C8orf34: variants seen among roughly 807,000 people sequenced by gnomAD.
C8orf34 encodes uncharacterized protein C8orf34.
C8orf34 carries 65 observed loss-of-function variants against 68.3 expected under a neutral mutation model. The ratio of observed to expected loss-of-function variants is 0.95; its 90% CI spans 0.78 to 1.17. The LOEUF is 1.17. Among genes scored for constraint, C8orf34 ranks in the 50% most tolerant of loss-of-function variants. The pLI is 0.00. For missense variants in C8orf34, 664 were observed against 655.4 expected (o/e 1.01, Z -0.14); for synonymous variants, 244 against 241.2 (o/e 1.01, Z -0.11).
At chr8:68,721,488 T>C (rs777834194) in intron 10 of C8orf34, 51 bp downstream of exon 10, 1 of 1,152,454 alleles carries the variant, frequency 8.7e-7, no homozygotes, top group Non-Finnish European at 1.3e-6. Flanking sequence ...CTAATTTAAA[T>C]TACTAGTAGG....
At chr8:68,503,608 T>C (rs1813872827) in intron 5 of C8orf34, among the ~76,000 whole-genome samples, 1 of 152,048 alleles carries the variant, frequency 6.6e-6, no homozygotes, top group Non-Finnish European at 1.5e-5. Flanking sequence ...TTGGGAAACA[T>C]ATGAGGTGCT....
At chr8:68,428,811 T>G (rs1433083378) in intron 1 of C8orf34, among the ~76,000 whole-genome samples, 1 of 152,112 alleles carries the variant, frequency 6.6e-6, no homozygotes, top group African/African-American at 2.4e-5. Context: ...ATATGGCCAC[T>G]TGATTCATGA....
At chr8:68,718,376 T>G (rs1346859866) in intron 9 of C8orf34, among the ~76,000 whole-genome samples, 1 of 152,162 alleles carries the variant, frequency 6.6e-6, no homozygotes, top group Non-Finnish European at 1.5e-5. Context: ...TACTGAGTAT[T>G]ATAAGGACTC....
At chr8:68,544,034 C>T (rs1244770698) in intron 7 of C8orf34, among the ~76,000 whole-genome samples, 1 of 151,934 alleles carries the variant, frequency 6.6e-6, no homozygotes, top group African/African-American at 2.4e-5. Flanking sequence ...GAGTGGTGAT[C>T]CCACAGACCT....
At chr8:68,552,906 A>C (rs889108126) in intron 7 of C8orf34, among the ~76,000 whole-genome samples, 2 of 152,040 alleles carry the variant, frequency 1.3e-5, no homozygotes, top group Admixed American at 6.6e-5. Flanking sequence ...TTCAGGGATA[A>C]ATCCTTATTT....
At position 68,341,291 on chromosome 8, in the gene C8orf34, CA is replaced by C. The variant is rs147299988; in HGVS notation, c.327+9954del. 7.8e-3 allele frequency among the ~76,000 whole-genome samples: 1,188 copies of C among 152,230 alleles called. 19 individuals carry two copies. The highest frequency in any genetic ancestry group is 0.026 in the African/African-American group (1,100 of 41,532). ...GGGTTGTCAAAGTACAGAAGTAGTT[CA>C]ATGGAGGGAGGATAGCTTTTTCAAT... On this transcript the variant is annotated intron_variant, in intron 1 of 13. Transcript: ENST00000518698.
chr8:68,459,148 G>T (rs1811675884), intron 3 of C8orf34, among the ~76,000 whole-genome samples: 1 of 152,102 alleles, frequency 6.6e-6, no homozygotes, highest in South Asian at 2.1e-4. Context: ...TAAATGCATT[G>T]TCTGGCTATC....
intron 1 of C8orf34, among the ~76,000 whole-genome samples, chr8:68,368,718 A>G (rs908876579): frequency 6.6e-6 from 1 of 152,156 alleles, no homozygotes; most frequent in African/African-American, 2.4e-5. Flanking sequence ...TGAGATTACC[A>G]TATGATTTTT....
intron 6 of C8orf34, among the ~76,000 whole-genome samples, chr8:68,525,363 A>G (rs1814928271): frequency 2.0e-5 from 3 of 152,250 alleles, no homozygotes; most frequent in Non-Finnish European, 4.4e-5. Flanking sequence ...CAAGAAATCA[A>G]AGAACAGAAG....
At chr8:68,776,224 CT>C (rs938070711) in intron 10 of C8orf34, among the ~76,000 whole-genome samples, 174 bp from the exon 11 acceptor site, 1 of 151,962 alleles carries the variant, frequency 6.6e-6, no homozygotes, top group Non-Finnish European at 1.5e-5. Flanking sequence ...AAACTCTTTT[CT>C]TTTTTTTCAA....
intron 7 of C8orf34, among the ~76,000 whole-genome samples, chr8:68,584,621 A>G (rs1249832885): frequency 3.3e-5 from 5 of 152,302 alleles, no homozygotes; most frequent in Non-Finnish European, 5.9e-5. Context: ...AGCCAGGATC[A>G]AGGGAAAACC....
At chr8:68,748,576 G>A (rs1175801841) in intron 10 of C8orf34, among the ~76,000 whole-genome samples, 5 of 152,190 alleles carry the variant, frequency 3.3e-5, no homozygotes, top group Non-Finnish European at 5.9e-5. Context: ...AGTAGGCGAA[G>A]GACATGAAGA....
At chr8:68,717,153 G>A (rs1455204229) in intron 9 of C8orf34, among the ~76,000 whole-genome samples, 1 of 151,988 alleles carries the variant, frequency 6.6e-6, no homozygotes, top group Non-Finnish European at 1.5e-5. Flanking sequence ...CATTAAATGA[G>A]TCTTAAAAGC....
At chr8:68,661,416 C>A (rs188113741) in intron 8 of C8orf34, among the ~76,000 whole-genome samples, 12 of 152,302 alleles carry the variant, frequency 7.9e-5, no homozygotes, top group Admixed American at 6.5e-4. Context: ...TTCTCCTTAG[C>A]TCAGCTAGTT....
In C8orf34 at chr8:68,706,196, C is replaced by T. The variant is rs146781374; in HGVS notation, c.1242-2798C>T. On this transcript the variant is annotated intron_variant, in intron 8 of 13. Coordinates refer to ENST00000518698, the MANE Select transcript of C8orf34 (RefSeq NM_052958.4). ...CGATTATTGTTCAGTGGCACATGTG[C>T]GGGAAAATGGTGGGTTAATATAGGT... Among the ~76,000 whole-genome samples the T allele has an allele frequency of 3.2e-3, 492 of 152,204 alleles. 1 individual carries two copies. Among genetic ancestry groups the T allele is most frequent in the African/African-American group, 0.011 (461 of 41,528 alleles).
At chr8:68,485,390 G>A (rs141933855) in intron 4 of C8orf34, among the ~76,000 whole-genome samples, 195 of 152,066 alleles carry the variant, frequency 1.3e-3, no homozygotes, top group African/African-American at 4.6e-3. Context: ...TTGTAAGCCC[G>A]AGAGCATGAT....
intron 10 of C8orf34, among the ~76,000 whole-genome samples, chr8:68,736,957 G>A (rs1445939650): frequency 6.6e-6 from 1 of 151,982 alleles, no homozygotes; most frequent in Non-Finnish European, 1.5e-5. Flanking sequence ...AATCTCTTTA[G>A]AAATTTAAGT....
intron 1 of C8orf34, among the ~76,000 whole-genome samples, chr8:68,336,326 G>A (rs1805849246): frequency 6.6e-6 from 1 of 152,134 alleles, no homozygotes; most frequent in Non-Finnish European, 1.5e-5. Flanking sequence ...TTAAAGAAAG[G>A]GGCTGAGTGG....
intron 7 of C8orf34, among the ~76,000 whole-genome samples, chr8:68,613,532 A>T (rs550777451): frequency 6.6e-6 from 1 of 151,026 alleles, no homozygotes; most frequent in South Asian, 2.1e-4. Flanking sequence ...GAGTGAGAAC[A>T]TGCAGTGTTT....
Sources: allele counts gnomAD v4.1 joint callset (sites outside exome capture counted in the v4.1 genomes callset), GRCh38; gene constraint gnomAD v4.1.1; transcripts MANE v1.5; gene names NCBI Gene and HGNC (gene_info 2026-07-23, HGNC 2026-07-21).